CTNNA3: variants seen among roughly 807,000 people sequenced by gnomAD.
The protein encoded by CTNNA3 is catenin alpha-3.
A neutral mutation model predicts 95.7 loss-of-function variants in CTNNA3; 76 were observed. That is an observed-to-expected ratio of 0.79 (90% CI 0.66 to 0.96). CTNNA3 has a LOEUF of 0.96. CTNNA3 is among the 40% of genes least tolerant of loss of function. The pLI is 0.00. For missense variants in CTNNA3, 1,191 were observed against 1,089.8 expected (o/e 1.09, Z -1.31); for synonymous variants, 431 against 374.4 (o/e 1.15, Z -1.74).
At chr10:67,290,684 A>T (rs1019507744) in intron 5 of CTNNA3, among the ~76,000 whole-genome samples, 1 of 152,154 alleles carries the variant, frequency 6.6e-6, no homozygotes, top group African/African-American at 2.4e-5. Context: ...CAGATCTTTG[A>T]CTCAAAGATG....
At chr10:67,173,672 C>T (rs1264296325) in intron 7 of CTNNA3, among the ~76,000 whole-genome samples, 1 of 152,166 alleles carries the variant, frequency 6.6e-6, no homozygotes, top group Non-Finnish European at 1.5e-5. Flanking sequence ...CAAGTTAGAA[C>T]TAATACTTCA....
At chr10:66,763,472 A>G (rs1329928506) in intron 9 of CTNNA3, among the ~76,000 whole-genome samples, 1 of 37,994 alleles carries the variant, frequency 2.6e-5, no homozygotes, top group Non-Finnish European at 4.1e-5. Flanking sequence ...TAAGTCTCTC[A>G]GTTGAAAAAA....
At chr10:67,047,169 C>T (rs968958919) in intron 7 of CTNNA3, among the ~76,000 whole-genome samples, 1 of 152,144 alleles carries the variant, frequency 6.6e-6, no homozygotes, top group African/African-American at 2.4e-5. Context: ...TAGTACAATG[C>T]TTCAATCCTT....
At chr10:66,967,716 T>C (rs1849513226) in intron 7 of CTNNA3, among the ~76,000 whole-genome samples, 1 of 152,026 alleles carries the variant, frequency 6.6e-6, no homozygotes, top group Non-Finnish European at 1.5e-5. Context: ...CTTAAGAAAA[T>C]TCTGAGGTGT....
chr10:66,244,438 G>A (rs569541112), intron 13 of CTNNA3, among the ~76,000 whole-genome samples: 1 of 152,308 alleles, frequency 6.6e-6, no homozygotes, highest in African/African-American at 2.4e-5. Flanking sequence ...TGGGCTTTGA[G>A]CAAGACCCAG....
At chr10:66,587,078 G>A (rs547148345) in intron 10 of CTNNA3, among the ~76,000 whole-genome samples, 3 of 152,208 alleles carry the variant, frequency 2.0e-5, no homozygotes, top group African/African-American at 4.8e-5. Flanking sequence ...CTCTGATGGG[G>A]GTGGGTGGGG....
intron 7 of CTNNA3, among the ~76,000 whole-genome samples, chr10:67,109,510 T>C (rs530777157): frequency 6.6e-6 from 1 of 152,312 alleles, no homozygotes; most frequent in South Asian, 2.1e-4. Context: ...ATTAGTGAAT[T>C]CAGCAACCAG....
At position 66,645,146 on chromosome 10, in the gene CTNNA3, C is replaced by CTCATT. The variant is rs574215354; in HGVS notation, c.1282-23363_1282-23362insAATGA. 2.0e-4 allele frequency among the ~76,000 whole-genome samples: 30 copies of CTCATT among 151,956 alleles called. No individual in the cohort carries two copies. The South Asian group carries it at 6.0e-3, about 31-fold the overall frequency. ...TATATGTACAATACAAATATGTTCT[C>CTCATT]CCATTCTTTAGCTTGTAATTTTATT... On this transcript the variant is annotated intron_variant, in intron 9 of 17. Coordinates refer to ENST00000433211, the MANE Select transcript of CTNNA3 (RefSeq NM_013266.4).
chr10:67,183,212 A>C (rs1164955116), intron 6 of CTNNA3, among the ~76,000 whole-genome samples: 3 of 152,120 alleles, frequency 2.0e-5, no homozygotes, highest in African/African-American at 7.2e-5. Context: ...GGATTATAAA[A>C]CATGCTGCTA....
intron 7 of CTNNA3, among the ~76,000 whole-genome samples, chr10:66,998,339 C>T (rs909313512): frequency 2.0e-5 from 3 of 151,986 alleles, no homozygotes; most frequent in African/African-American, 7.2e-5. Context: ...GAAGATAGAA[C>T]AATATTTTTT....
At chr10:67,581,133 T>C (rs1236352060) in intron 3 of CTNNA3, among the ~76,000 whole-genome samples, 1 of 152,218 alleles carries the variant, frequency 6.6e-6, no homozygotes, top group African/African-American at 2.4e-5. Context: ...CCCTGTCTTG[T>C]GCTCGTTTTC....
intron 13 of CTNNA3, among the ~76,000 whole-genome samples, chr10:66,252,219 T>C (rs1273691568): frequency 6.6e-6 from 1 of 152,146 alleles, no homozygotes; most frequent in African/African-American, 2.4e-5. Context: ...CTTGACAACG[T>C]ATGTTTTGTT....
chr10:66,838,030 C>T (rs1180419059), intron 7 of CTNNA3, among the ~76,000 whole-genome samples: 1 of 152,052 alleles, frequency 6.6e-6, no homozygotes, highest in Non-Finnish European at 1.5e-5. Flanking sequence ...CGTCTTCTCC[C>T]TCATTCACTG....
At chr10:66,396,003 T>C (rs1433074664) in intron 11 of CTNNA3, among the ~76,000 whole-genome samples, 1 of 152,014 alleles carries the variant, frequency 6.6e-6, no homozygotes, top group Non-Finnish European at 1.5e-5. Flanking sequence ...GTACCCATTG[T>C]TTAGTTCCCA....
intron 9 of CTNNA3, among the ~76,000 whole-genome samples, chr10:66,764,000 G>T (rs1046988496): frequency 6.6e-6 from 1 of 152,140 alleles, no homozygotes; most frequent in African/African-American, 2.4e-5. Flanking sequence ...ATTAGTGAGA[G>T]ATAACAAATA....
rs1463428924 is a variant in CTNNA3, at chr10:66,331,335, A to ATTGC, written c.1732+47816_1732+47817insGCAA. Among the ~76,000 whole-genome samples the ATTGC allele has an allele frequency of 8.9e-4, 77 of 86,932 alleles. 3 individuals are homozygous for ATTGC. The highest frequency in any genetic ancestry group is 3.6e-3 in the African/African-American group (66 of 18,454). 57.0% of individuals were successfully genotyped at this position (86,932 alleles called of 152,430 possible). On this transcript the variant is annotated intron_variant, in intron 12 of 17. Transcript: ENST00000433211. ...TTATTAAATATGGACTCCTTTCCCC[A>ATTGC]TTGTTTGTTTTTTTTTTTTTTTTTT... is the stretch of plus-strand genomic sequence containing the variant.
chr10:66,788,588 T>C (rs951612399), intron 7 of CTNNA3, among the ~76,000 whole-genome samples: 1 of 152,218 alleles, frequency 6.6e-6, no homozygotes, highest in Non-Finnish European at 1.5e-5. Flanking sequence ...TCTTTTTCAA[T>C]GTCTGTTGTT....
intron 13 of CTNNA3, among the ~76,000 whole-genome samples, chr10:66,201,534 C>G (rs1473269015): frequency 6.6e-6 from 1 of 152,160 alleles, no homozygotes; most frequent in African/African-American, 2.4e-5. Context: ...CAAAATCCCA[C>G]TTTTATTTTC....
At chr10:67,741,434 T>C (rs1388085069) in intron 1 of CTNNA3, among the ~76,000 whole-genome samples, 3 of 147,744 alleles carry the variant, frequency 2.0e-5, no homozygotes, top group East Asian at 2.0e-4. Flanking sequence ...AGAAATAAAA[T>C]ACTTTACAGA....
Sources: gnomAD v4.1 joint callset for allele counts (sites outside exome capture counted in the v4.1 genomes callset) on GRCh38, gnomAD v4.1.1 for gene constraint, MANE v1.5 for transcripts, NCBI Gene and HGNC (gene_info 2026-07-23, HGNC 2026-07-21) for gene names.